Variants in MED4 observed in about 807,000 individuals in gnomAD.
MED4 encodes mediator of RNA polymerase II transcription subunit 4.
Under a neutral mutation model 35.0 loss-of-function variants are expected in MED4, and 21 were observed. The observed-to-expected ratio is 0.60, with a 90% CI of 0.43 to 0.86. The LOEUF is 0.86. Ranked by LOEUF, MED4 falls within the 40% of genes least tolerant of loss-of-function variation. MED4 has a pLI of 0.00. For missense variants in MED4, 300 were observed against 319.4 expected (o/e 0.94, Z 0.46); for synonymous variants, 138 against 114.0 (o/e 1.21, Z -1.34).
intron 6 of MED4, among the ~76,000 whole-genome samples, chr13:48,078,106 C>T (rs994354114): frequency 3.3e-5 from 5 of 152,014 alleles, no homozygotes; most frequent in African/African-American, 1.2e-4. Flanking sequence ...AAAAAGGGCC[C>T]AAGTTACATT....
chr13:48,080,994 C>A (rs7323821), intron 5 of MED4, among the ~76,000 whole-genome samples: 141,120 of 152,004 alleles, frequency 0.93, 65,529 homozygotes, highest in East Asian at 1. Flanking sequence ...CCAACTGCAG[C>A]TTATCCATCC....
intron 1 of MED4, among the ~76,000 whole-genome samples, chr13:48,091,426 G>T (rs76252276): frequency 6.6e-6 from 1 of 152,304 alleles, no homozygotes; most frequent in East Asian, 1.9e-4. Flanking sequence ...GCTCTGATCA[G>T]CCTGAGCATT....
At chr13:48,081,792 T>C in intron 4 of MED4, 61 bp from the exon 5 acceptor site, 2 of 1,042,794 alleles carry the variant, frequency 1.9e-6, no homozygotes. Flanking sequence ...AGTTTAGAAA[T>C]GTATCTATCA....
At chr13:48,090,291 GT>G (rs893438647) in intron 2 of MED4, 60 bp downstream of exon 2, 16 of 1,330,268 alleles carry the variant, frequency 1.2e-5, no homozygotes, top group South Asian at 4.1e-5. Flanking sequence ...CAGAAATCAA[GT>G]TTTTTTCTTT....
intron 5 of MED4, 152 bp from the exon 6 acceptor site, chr13:48,080,127 T>C (rs905781962): frequency 5.1e-6 from 4 of 781,584 alleles, no homozygotes; most frequent in African/African-American, 1.8e-5. Flanking sequence ...CCAGGTGCAG[T>C]GGCTCACGCC....
chr13:48,084,905 C>T (rs1201904618), intron 3 of MED4, among the ~76,000 whole-genome samples: 1 of 151,736 alleles, frequency 6.6e-6, no homozygotes, highest in African/African-American at 2.4e-5. Flanking sequence ...CTCCCTCTGT[C>T]GCCCAGGCTG....
chr13:48,091,369 G>A (rs939144416), intron 1 of MED4, among the ~76,000 whole-genome samples: 1 of 152,192 alleles, frequency 6.6e-6, no homozygotes, highest in Admixed American at 6.5e-5. Flanking sequence ...TGGGACTTTT[G>A]AGAAATTATG....
chr13:48,082,264 G>C (rs1950814150), intron 4 of MED4, among the ~76,000 whole-genome samples: 1 of 151,586 alleles, frequency 6.6e-6, no homozygotes, highest in African/African-American at 2.4e-5. Flanking sequence ...ATGTGTATTT[G>C]TATTTTTATT....
At chr13:48,086,509 A>G (rs1950849803) in intron 2 of MED4, 57 bp from the exon 3 acceptor site, 2 of 1,497,188 alleles carry the variant, frequency 1.3e-6, no homozygotes, top group African/African-American at 1.4e-5. Context: ...CTGCATTCCA[A>G]TGAAACAAAG....
rs775242716 is a variant in MED4, at chr13:48,076,796, A to T, written c.*343T>A. 1 of 169,182 alleles carries T rather than the reference A, an allele frequency of 5.9e-6. No homozygotes were observed. The highest frequency in any genetic ancestry group is 1.3e-5 in the Non-Finnish European group (1 of 79,750). The allele number at this position is 169,182 out of a possible 1,614,324, so 10.5% of individuals were successfully genotyped here. On this transcript the variant is annotated 3_prime_UTR_variant, in exon 7 of 7. Coordinates refer to ENST00000258648, the MANE Select transcript of MED4 (RefSeq NM_014166.4). ...AATAATTCCAAGAAGCCTATTAGTG[A>T]TATGTATATGGATAATTTCCCTCAA...
At chr13:48,085,650 C>T (rs933811850) in intron 3 of MED4, among the ~76,000 whole-genome samples, 2 of 152,034 alleles carry the variant, frequency 1.3e-5, no homozygotes, top group East Asian at 1.9e-4. Context: ...AATGTCTGGT[C>T]GACATGAGAA....
At chr13:48,089,352 G>A (rs147410300) in intron 2 of MED4, among the ~76,000 whole-genome samples, 1 of 152,284 alleles carries the variant, frequency 6.6e-6, no homozygotes, top group East Asian at 1.9e-4. Flanking sequence ...CTAAGGTAAT[G>A]ATGCAGACAA....
chr13:48,089,885 C>A (rs1950878865), intron 2 of MED4, among the ~76,000 whole-genome samples: 1 of 152,210 alleles, frequency 6.6e-6, no homozygotes, highest in Admixed American at 6.5e-5. Context: ...CAAATAAAAA[C>A]TGCCCGTACT....
At chr13:48,082,896 C>T (rs573296023) in intron 4 of MED4, among the ~76,000 whole-genome samples, 3 of 152,112 alleles carry the variant, frequency 2.0e-5, no homozygotes, top group South Asian at 4.2e-4. Context: ...GGCAGGAAGG[C>T]ATGTGGGCCT....
At chr13:48,084,589 T>C (rs1172408075) in intron 3 of MED4, among the ~76,000 whole-genome samples, 1 of 152,186 alleles carries the variant, frequency 6.6e-6, no homozygotes, top group East Asian at 1.9e-4. Flanking sequence ...GATACAATTA[T>C]ATGAAAAATG....
intron 5 of MED4, among the ~76,000 whole-genome samples, chr13:48,080,730 C>G (rs1296887149): frequency 7.1e-6 from 1 of 141,300 alleles, no homozygotes; most frequent in African/African-American, 3.0e-5. Flanking sequence ...AGGACTGTCT[C>G]AATTTAAAAT....
At chr13:48,093,427 C>A in intron 1 of MED4, 1 of 254,894 alleles carries the variant, frequency 3.9e-6, no homozygotes, top group Non-Finnish European at 8.5e-6. Context: ...GAGGCTAAAT[C>A]TAAAAATATG....
chr13:48,077,381 TATGCAACA>T, intron 6 of MED4, 70 bp from the exon 7 acceptor site: 1 of 1,227,050 alleles, frequency 8.1e-7, no homozygotes, highest in Non-Finnish European at 1.1e-6. Flanking sequence ...CTTTTCCCTT[TATGCAACA>T]ATTTGAAGTA....
chr13:48,084,052 G>C (rs9534950), intron 3 of MED4, among the ~76,000 whole-genome samples: 87,484 of 151,886 alleles, frequency 0.58, 27,678 homozygotes, highest in Non-Finnish European at 0.71. Flanking sequence ...TTTGAGATCA[G>C]GAGTCTGAGA....
Sources: allele counts gnomAD v4.1 joint callset (sites outside exome capture counted in the v4.1 genomes callset), GRCh38; gene constraint gnomAD v4.1.1; transcripts MANE v1.5; gene names NCBI Gene and HGNC (gene_info 2026-07-23, HGNC 2026-07-21).